CSMD3: variants seen among roughly 807,000 people sequenced by gnomAD.
CSMD3 encodes CUB and sushi domain-containing protein 3.
CSMD3 carries 177 observed loss-of-function variants against 435.2 expected under a neutral mutation model. That is an observed-to-expected ratio of 0.41 (90% CI 0.36 to 0.46). The LOEUF is 0.46. Ranked by LOEUF, CSMD3 falls within the 20% of genes least tolerant of loss-of-function variation. The probability of loss-of-function intolerance (pLI) is 0.34; values close to 1 mark genes in which losing one functional copy is unlikely to be tolerated. For missense variants in CSMD3, 4,265 were observed against 4,504.6 expected, an observed-to-expected ratio of 0.95 and a Z score of 1.52; for synonymous variants, 1,656 against 1,520.5, an observed-to-expected ratio of 1.09 and a Z score of -2.07.
chr8:113,021,927 A>T (rs1008023727), intron 5 of CSMD3, among the ~76,000 whole-genome samples: 1 of 152,198 alleles, frequency 6.6e-6, no homozygotes, highest in Non-Finnish European at 1.5e-5. Context: ...ATAAGCCAAG[A>T]AACTGAACTA....
In CSMD3 at chr8:112,702,427, G is replaced by GA. The variant is rs577350484; in HGVS notation, c.1973-12378dup. ...GCAATCACAAAATCTCATAGTTAGA[G>GA]AAAATCATAGGATAATCCATATTTC... On this transcript the variant is annotated intron_variant, in intron 13 of 70. Transcript: ENST00000297405. Among the ~76,000 whole-genome samples, 46 of 152,264 alleles carry GA rather than the reference G, an allele frequency of 3.0e-4. 2 individuals carry two copies. The South Asian group carries it at 8.5e-3, about 28-fold the overall frequency.
At position 112,336,806 on chromosome 8, in the gene CSMD3, C is replaced by A. The variant is rs2130958876; in HGVS notation, c.6865G>T (p.Ala2289Ser). The A allele has an allele frequency of 3.7e-6, 6 of 1,612,924 alleles. No individual in the cohort carries two copies. The highest frequency in any genetic ancestry group is 5.1e-6 in the Non-Finnish European group (6 of 1,179,116). The part of the protein sequence containing the change: ...CEALCGGNIT[A>S]MNGTIYSPGY... ...GGAGAATAAATGGTGCCATTCATTG[C>A]AGTTATATTCCCACCACAAAGAGCT... Residue 2289 changes from alanine to serine, a missense_variant, in exon 44 of 71, where the codon GCA becomes TCA. By Grantham distance (99) the Ala-to-Ser change is moderately conservative (BLOSUM62 1). Coordinates refer to ENST00000297405, the MANE Select transcript of CSMD3 (RefSeq NM_198123.2).
chr8:113,302,638 G>A (rs905207875), intron 2 of CSMD3, among the ~76,000 whole-genome samples: 23 of 151,832 alleles, frequency 1.5e-4, no homozygotes, highest in Non-Finnish European at 2.6e-4. Context: ...CTTCGATTAT[G>A]CCATTTTACT....
intron 10 of CSMD3, among the ~76,000 whole-genome samples, chr8:112,894,610 T>C (rs1188576440): frequency 2.5e-4 from 38 of 151,218 alleles, no homozygotes; most frequent in Non-Finnish European, 1.3e-4. Flanking sequence ...GACAGAAATA[T>C]TAGTATAATA....
chr8:113,321,142 C>T (rs753051728), intron 1 of CSMD3, among the ~76,000 whole-genome samples: 14 of 152,094 alleles, frequency 9.2e-5, no homozygotes, highest in East Asian at 1.9e-4. Flanking sequence ...ACTCAGGTCC[C>T]CACATTGCTG....
chr8:112,503,285 G>A (rs1822169204), intron 30 of CSMD3, among the ~76,000 whole-genome samples: 1 of 152,082 alleles, frequency 6.6e-6, no homozygotes, highest in Non-Finnish European at 1.5e-5. Flanking sequence ...CTCTCACTAT[G>A]TTTCTTAGGC....
intron 3 of CSMD3, among the ~76,000 whole-genome samples, chr8:113,188,229 GCT>G (rs1305665453): frequency 6.6e-6 from 1 of 151,822 alleles, no homozygotes; most frequent in East Asian, 1.9e-4. Context: ...ATTTGTAAAT[GCT>G]CTGTCTATTC....
Position 112,568,465 on chromosome 8 carries a change from G to A in CSMD3, c.4042+5036C>T, listed in dbSNP as rs1401822962. Among the ~76,000 whole-genome samples, 3 of 151,832 alleles carry A rather than the reference G, an allele frequency of 2.0e-5. No individual in the cohort carries two copies. The East Asian group carries it at 5.8e-4, about 30-fold the overall frequency. ...AAAAAATTAGCCAGGCATGGTGGTGGGCGCCTGTAATCCTAGCTACTTAAG... is the reference window on the plus strand; with the variant it reads ...AAAAAATTAGCCAGGCATGGTGGTGAGCGCCTGTAATCCTAGCTACTTAAG... On this transcript the variant is annotated intron_variant, in intron 24 of 70. Transcript: ENST00000297405.
rs200768306 is a variant in CSMD3, at chr8:112,346,118, T to C, written c.6421A>G (p.Ile2141Val). The C allele has an allele frequency of 1.2e-4, 189 of 1,600,684 alleles. No individual in the cohort carries two copies. Among genetic ancestry groups the C allele is most frequent in the South Asian group, 1.1e-3 (96 of 90,812 alleles). Residue 2141 changes from isoleucine to valine, a missense_variant, in exon 41 of 71, where the codon ATA becomes GTA. Coordinates refer to ENST00000297405, the MANE Select transcript of CSMD3 (RefSeq NM_198123.2). ...YPSSLDCTWT[I>V]NLPIGFGVHL... ...ATACCAAAACCTATGGGTAGATTTA[T>C]TGTCCATGTGCAATCTAAACTGCTG...
chr8:113,030,038 A>G (rs2087026551), intron 5 of CSMD3, among the ~76,000 whole-genome samples: 1 of 151,560 alleles, frequency 6.6e-6, no homozygotes, highest in Non-Finnish European at 1.5e-5. Context: ...GCTGCAAAAA[A>G]TAAAATAAAA....
At chr8:113,256,077 C>G (rs2093378145) in intron 3 of CSMD3, among the ~76,000 whole-genome samples, 5 of 151,620 alleles carry the variant, frequency 3.3e-5, no homozygotes. Flanking sequence ...CATGAGGATC[C>G]TACATGCTGG....
In CSMD3 at chr8:112,980,926, C is replaced by T. The variant is rs137855585; in HGVS notation, c.1031-4778G>A. Among the ~76,000 whole-genome samples the T allele has an allele frequency of 6.6e-3, 1,007 of 151,456 alleles. 12 individuals carry two copies. The highest frequency in any genetic ancestry group is 0.023 in the African/African-American group (965 of 41,456). ...GCAATTTAGAAAAGAGATGGATTAA[C>T]TGAAAGTAGCCCTTAAAACTGTAGG... On this transcript the variant is annotated intron_variant, in intron 6 of 70. Coordinates refer to ENST00000297405, the MANE Select transcript of CSMD3 (RefSeq NM_198123.2).
intron 11 of CSMD3, among the ~76,000 whole-genome samples, chr8:112,850,586 T>C (rs1318799405): frequency 6.6e-6 from 1 of 152,228 alleles, no homozygotes; most frequent in Non-Finnish European, 1.5e-5. Flanking sequence ...TTGTCAATGA[T>C]GTGAATGACT....
At chr8:112,799,399 CA>C (rs1219756949) in intron 13 of CSMD3, among the ~76,000 whole-genome samples, 3 of 151,860 alleles carry the variant, frequency 2.0e-5, no homozygotes, top group Non-Finnish European at 4.4e-5. Flanking sequence ...ATTTTTACCA[CA>C]ATAGTAATGA....
At chr8:113,417,200 A>G (rs533812682) in intron 1 of CSMD3, among the ~76,000 whole-genome samples, 2 of 151,994 alleles carry the variant, frequency 1.3e-5, no homozygotes, top group South Asian at 4.1e-4. Flanking sequence ...AAAAAGATTT[A>G]AAGAAGAAAT....
At chr8:112,337,838 A>G in intron 42 of CSMD3, 107 bp from the exon 43 acceptor site, 1 of 714,738 alleles carries the variant, frequency 1.4e-6, no homozygotes. Flanking sequence ...TGCTACTTGC[A>G]GTTGATTATA....
At chr8:113,023,773 T>A (rs1321539119) in intron 5 of CSMD3, among the ~76,000 whole-genome samples, 1 of 152,088 alleles carries the variant, frequency 6.6e-6, no homozygotes, top group Middle Eastern at 3.2e-3. Context: ...TCTCATCATA[T>A]CTTAATTTTT....
intron 23 of CSMD3, among the ~76,000 whole-genome samples, chr8:112,585,891 A>G (rs746257890): frequency 1.9e-4 from 29 of 151,670 alleles, no homozygotes; most frequent in Non-Finnish European, 1.8e-4. Context: ...GTTGGCTCCA[A>G]TTGAAAAAAC....
At chr8:112,933,793 G>A (rs1347033850) in intron 9 of CSMD3, among the ~76,000 whole-genome samples, 2 of 152,096 alleles carry the variant, frequency 1.3e-5, no homozygotes, top group Non-Finnish European at 2.9e-5. Flanking sequence ...CTGAGCTAGT[G>A]AGGGGGTAAA....
Sources: gnomAD v4.1 joint callset for allele counts (sites outside exome capture counted in the v4.1 genomes callset) on GRCh38, gnomAD v4.1.1 for gene constraint, MANE v1.5 for transcripts, NCBI Gene and HGNC (gene_info 2026-07-23, HGNC 2026-07-21) for gene names.